The following HBS1L variants were observed in gnomAD, a reference collection of about 807,000 sequenced individuals.
HBS1L encodes HBS1 like translational GTPase, also known as HBS1-like protein.
In HBS1L, 55 loss-of-function variants were observed where a neutral mutation model predicts 88.9. The ratio of observed to expected loss-of-function variants is 0.62; its 90% CI spans 0.50 to 0.77. The LOEUF is 0.77. Ranked by LOEUF, HBS1L falls within the 30% of genes least tolerant of loss-of-function variation. HBS1L has a pLI of 0.00. For missense variants in HBS1L, 741 were observed against 829.3 expected (o/e 0.89, Z 1.31); for synonymous variants, 267 against 288.5 (o/e 0.93, Z 0.76).
chr6:134,981,533 T>C (rs1774831320), intron 13 of HBS1L, among the ~76,000 whole-genome samples: 1 of 151,864 alleles, frequency 6.6e-6, no homozygotes, highest in Admixed American at 6.6e-5. Flanking sequence ...TCAAGAAAAA[T>C]ATACATTCAA....
intron 4 of HBS1L, among the ~76,000 whole-genome samples, chr6:135,018,621 ACT>A (rs913546687): frequency 3.9e-5 from 6 of 151,994 alleles, no homozygotes; most frequent in Non-Finnish European, 7.4e-5. Flanking sequence ...AATTCTTGTT[ACT>A]AATAATTTTC....
At chr6:135,012,876 G>A (rs1583111058) in intron 4 of HBS1L, among the ~76,000 whole-genome samples, 1 of 152,290 alleles carries the variant, frequency 6.6e-6, no homozygotes, top group East Asian at 1.9e-4. Flanking sequence ...GCCAACTCCA[G>A]CAATGTATGA....
At chr6:135,028,056 G>T (rs139300772) in intron 4 of HBS1L, among the ~76,000 whole-genome samples, 1 of 151,942 alleles carries the variant, frequency 6.6e-6, no homozygotes, top group South Asian at 2.1e-4. Flanking sequence ...ATGAGCCACC[G>T]CGCCTGGCCA....
chr6:134,998,865 G>A (rs993806464), intron 5 of HBS1L, among the ~76,000 whole-genome samples: 1 of 152,130 alleles, frequency 6.6e-6, no homozygotes, highest in Non-Finnish European at 1.5e-5. Context: ...TCATTTTTGA[G>A]CACTGCTTAG....
intron 4 of HBS1L, among the ~76,000 whole-genome samples, chr6:135,027,776 A>T (rs1257691536): frequency 9.4e-5 from 14 of 149,326 alleles, no homozygotes; most frequent in Non-Finnish European, 1.6e-4. Context: ...ATAAAAACTC[A>T]TTTTTTTTTT....
At chr6:134,993,198 C>A (rs1775193928) in intron 8 of HBS1L, among the ~76,000 whole-genome samples, 1 of 152,146 alleles carries the variant, frequency 6.6e-6, no homozygotes, top group South Asian at 2.1e-4. Flanking sequence ...AACTGCCTAA[C>A]AACTCACTTC....
intron 15 of HBS1L, among the ~76,000 whole-genome samples, chr6:134,975,970 A>G (rs1336845597): frequency 2.0e-5 from 3 of 152,192 alleles, no homozygotes; most frequent in African/African-American, 7.2e-5. Context: ...TAGTAAACAG[A>G]CAATCCACAG....
intron 4 of HBS1L, among the ~76,000 whole-genome samples, chr6:135,017,554 TAATC>T (rs1232423014): frequency 2.6e-5 from 4 of 152,064 alleles, no homozygotes; most frequent in Non-Finnish European, 4.4e-5. Flanking sequence ...TTATAACTCT[TAATC>T]AATATTTTGG....
chr6:134,984,788 GC>G (rs1774932425), intron 12 of HBS1L, among the ~76,000 whole-genome samples: 1 of 151,966 alleles, frequency 6.6e-6, no homozygotes, highest in Admixed American at 6.6e-5. Context: ...TCCTTCCTCA[GC>G]CCTATCTATA....
In HBS1L at chr6:135,040,344, C is replaced by CCTTTTTTT. The variant is rs1365916364; in HGVS notation, c.236-578_236-577insAAAAAAAG. On this transcript the variant is annotated intron_variant, in intron 3 of 17. Transcript: ENST00000367837. ...GGAGATTAAGGGGAGGATAGGCATT[C>CCTTTTTTT]TTTTTTTTTTTTTTTTTTTTTTTTG... 1.7e-3 allele frequency among the ~76,000 whole-genome samples: 192 copies of CCTTTTTTT among 110,018 alleles called. 2 individuals are homozygous for CCTTTTTTT. Among genetic ancestry groups the CCTTTTTTT allele is most frequent in the South Asian group, 5.0e-3 (15 of 3,022 alleles). 72.2% of individuals were successfully genotyped at this position (110,018 alleles called of 152,430 possible).
At chr6:135,039,863 G>C in intron 3 of HBS1L, 96 bp from the exon 4 acceptor site, 1 of 1,043,878 alleles carries the variant, frequency 9.6e-7, no homozygotes, top group Non-Finnish European at 1.4e-6. Context: ...AGCTGTACTA[G>C]AATATTCAAC....
intron 12 of HBS1L, 111 bp from the exon 13 acceptor site, chr6:134,982,673 A>G (rs1774865941): frequency 6.0e-6 from 3 of 500,838 alleles, no homozygotes; most frequent in Non-Finnish European, 1.1e-5. Context: ...AGTTCAATGG[A>G]CATTAAATAA....
intron 4 of HBS1L, chr6:135,037,411 A>G: frequency 1.3e-6 from 2 of 1,550,118 alleles, no homozygotes; most frequent in East Asian, 2.4e-5. Flanking sequence ...AACTAAAGAA[A>G]CATTTCCAAC....
intron 8 of HBS1L, among the ~76,000 whole-genome samples, chr6:134,993,348 C>A (rs370548123): frequency 6.6e-6 from 1 of 151,790 alleles, no homozygotes; most frequent in Non-Finnish European, 1.5e-5. Context: ...AACCACTGGG[C>A]GAAAATACCC....
chr6:135,023,141 C>T (rs1049451155), intron 4 of HBS1L, among the ~76,000 whole-genome samples: 1 of 151,736 alleles, frequency 6.6e-6, no homozygotes, highest in African/African-American at 2.4e-5. Context: ...TAGGGAACAA[C>T]CTGCCATTAA....
At chr6:135,031,007 C>T (rs765966699) in intron 4 of HBS1L, among the ~76,000 whole-genome samples, 1 of 152,046 alleles carries the variant, frequency 6.6e-6, no homozygotes, top group Non-Finnish European at 1.5e-5. Context: ...TCATGGTCTA[C>T]TTAGTGTCGC....
intron 4 of HBS1L, chr6:135,027,318 G>T (rs1351052248): frequency 6.6e-6 from 1 of 151,510 alleles, no homozygotes; most frequent in South Asian, 2.1e-4. Context: ...ACTACACTGG[G>T]CCACAAACTC....
intron 17 of HBS1L, 42 bp downstream of exon 17, chr6:134,966,287 C>G (rs985829721): frequency 5.9e-6 from 9 of 1,537,472 alleles, no homozygotes; most frequent in Non-Finnish European, 7.9e-6. Flanking sequence ...GAAAAGGCAT[C>G]ATAACTATGG....
intron 16 of HBS1L, among the ~76,000 whole-genome samples, 153 bp downstream of exon 16, chr6:134,969,085 A>C (rs1218713646): frequency 2.0e-5 from 3 of 152,180 alleles, no homozygotes; most frequent in Non-Finnish European, 4.4e-5. Context: ...GCTTGTTTTT[A>C]TGTTTGTTTT....
Sources: allele counts gnomAD v4.1 joint callset (sites outside exome capture counted in the v4.1 genomes callset), GRCh38; gene constraint gnomAD v4.1.1; transcripts MANE v1.5; gene names NCBI Gene and HGNC (gene_info 2026-07-23, HGNC 2026-07-21).